Variants in TMEM232 observed in about 807,000 individuals in gnomAD.
The protein encoded by TMEM232 is transmembrane protein 232.
TMEM232 carries 80 observed loss-of-function variants against 78.8 expected under a neutral mutation model. That is an observed-to-expected ratio of 1.01 (90% CI 0.85 to 1.22). The LOEUF is 1.22. Among genes scored for constraint, TMEM232 ranks in the 50% most tolerant of loss-of-function variants. The probability of loss-of-function intolerance (pLI) is 0.00; values close to 1 mark genes in which losing one functional copy is unlikely to be tolerated. For synonymous variants in TMEM232, 297 were observed against 254.3 expected (o/e 1.17, Z -1.60); for missense variants, 881 against 742.2 (o/e 1.19, Z -2.17).
chr5:110,627,291 G>T (rs1042410738), intron 6 of TMEM232, among the ~76,000 whole-genome samples: 1 of 151,926 alleles, frequency 6.6e-6, no homozygotes, highest in African/African-American at 2.4e-5. Context: ...CAGGGAGGTA[G>T]ATACTATTAC....
At position 110,548,958 on chromosome 5, in the gene TMEM232, A is replaced by C. The variant is rs1471214610; in HGVS notation, c.1455+19489T>G. Among the ~76,000 whole-genome samples, 4 of 151,984 alleles carry C rather than the reference A, an allele frequency of 2.6e-5. No homozygotes were observed. In the East Asian group the frequency reaches 5.8e-4, roughly 22 times the overall value. On this transcript the variant is annotated intron_variant, in intron 11 of 13. Coordinates refer to ENST00000455884, the MANE Select transcript of TMEM232 (RefSeq NM_001039763.4). Reference sequence around the variant, plus strand: ...ATTGAACTAAAATCAAACAATATAAATGTAACAATAAAAGTCTCAATATAT... The same window carrying C: ...ATTGAACTAAAATCAAACAATATAACTGTAACAATAAAAGTCTCAATATAT...
At chr5:110,391,689 T>C (rs1180446073) in intron 3 of TMEM232, among the ~76,000 whole-genome samples, 3 of 152,154 alleles carry the variant, frequency 2.0e-5, no homozygotes, top group Non-Finnish European at 2.9e-5. Context: ...ATTTTCTTAA[T>C]AAAAATAGAA....
At chr5:110,736,508 T>A (rs244928) in intron 1 of TMEM232, among the ~76,000 whole-genome samples, 148,531 of 152,298 alleles carry the variant, frequency 0.98, 72,515 homozygotes, top group Non-Finnish European at 1. Context: ...AAAAGGTAAG[T>A]TCATACTGTA....
intron 10 of TMEM232, among the ~76,000 whole-genome samples, chr5:110,585,907 G>C (rs1778762021): frequency 6.6e-6 from 1 of 152,062 alleles, no homozygotes; most frequent in Non-Finnish European, 1.5e-5. Flanking sequence ...TGCAACCTAG[G>C]GATTTAACAA....
intron 1 of TMEM232, among the ~76,000 whole-genome samples, chr5:110,705,539 G>A (rs1795837436): frequency 1.3e-5 from 2 of 151,840 alleles, no homozygotes; most frequent in African/African-American, 4.8e-5. Context: ...AACTCAACAA[G>A]GTTTGCTGAC....
At chr5:110,728,276 A>G (rs1242963090), upstream of TMEM232, among the ~76,000 whole-genome samples, 2 of 151,830 alleles carry the variant, frequency 1.3e-5, no homozygotes, top group Non-Finnish European at 2.9e-5. Context: ...GATTTTATAT[A>G]TGTATCTACT....
At chr5:110,613,598 T>A (rs1269219897) in intron 8 of TMEM232, among the ~76,000 whole-genome samples, 1 of 152,172 alleles carries the variant, frequency 6.6e-6, no homozygotes, top group African/African-American at 2.4e-5. Context: ...ATTTTAAGAC[T>A]ATTTAGTCCA....
downstream of TMEM232, among the ~76,000 whole-genome samples, chr5:110,416,333 G>T (rs918120798): frequency 1.8e-4 from 28 of 152,134 alleles, no homozygotes; most frequent in African/African-American, 6.8e-4. Flanking sequence ...ACCTTCCTTT[G>T]TATTAAATAT....
rs929435464 is a variant in TMEM232 at position 110,647,272 on chromosome 5, T to C, written c.126-4901A>G. 9.9e-5 allele frequency among the ~76,000 whole-genome samples: 15 copies of C among 152,000 alleles called. No homozygotes were observed. In the East Asian group the frequency reaches 2.5e-3, roughly 25 times the overall value. On this transcript the variant is annotated intron_variant, in intron 2 of 13. Transcript: ENST00000455884. The stretch of plus-strand genomic sequence containing the variant: ...CGCATGTGGTATTGACCCATCATAG[T>C]TTGTGCCAATCTTGTCAAGACTTAC...
At position 110,605,169 on chromosome 5, in the gene TMEM232, AT is replaced by A. The variant is rs1781392924; in HGVS notation, c.1215del (p.Glu405AspfsTer2). The A allele has an allele frequency of 6.5e-7, 1 of 1,550,358 alleles. No homozygotes were observed. Among genetic ancestry groups the A allele is most frequent in the African/African-American group, 1.4e-5 (1 of 72,992 alleles). On this transcript the variant is annotated frameshift_variant, in exon 10 of 14. Coordinates refer to ENST00000455884, the MANE Select transcript of TMEM232 (RefSeq NM_001039763.4). LOFTEE classifies it high-confidence loss of function. ...AGACTTAAAATACTTGTTTCCTTTAATTCTGGAGGTACTGATTTGTCCAAGT... is the reference window on the plus strand; with the variant it reads ...AGACTTAAAATACTTGTTTCCTTTAATCTGGAGGTACTGATTTGTCCAAGT... ...ILYLDKSVPPELKETSILSLL... is the reference protein window; with the variant it reads ...ILYLDKSVPPXLKETSILSLL...
intron 12 of TMEM232, among the ~76,000 whole-genome samples, chr5:110,435,971 A>C (rs78985892): frequency 2.0e-5 from 3 of 151,972 alleles, no homozygotes; most frequent in Non-Finnish European, 4.4e-5. Flanking sequence ...TTGAGTATAT[A>C]TCCAAAGTGA....
At chr5:110,578,396 C>A (rs1184066449) in intron 10 of TMEM232, among the ~76,000 whole-genome samples, 2 of 151,940 alleles carry the variant, frequency 1.3e-5, no homozygotes, top group Admixed American at 1.3e-4. Context: ...CATTATGTTA[C>A]ATGCAAAACC....
At chr5:110,610,683 T>C (rs530893140) in intron 8 of TMEM232, 1 of 385,598 alleles carries the variant, frequency 2.6e-6, no homozygotes, top group African/African-American at 2.1e-5. Context: ...GACTGAAAAT[T>C]AAACATATAA....
intron 12 of TMEM232, among the ~76,000 whole-genome samples, chr5:110,525,149 G>T (rs1770381646): frequency 6.7e-6 from 1 of 148,320 alleles, no homozygotes; most frequent in African/African-American, 2.5e-5. Flanking sequence ...AACACTAGAA[G>T]ATTTCTTCGT....
At chr5:110,670,487 A>G (rs552243977) in intron 1 of TMEM232, among the ~76,000 whole-genome samples, 31 of 152,338 alleles carry the variant, frequency 2.0e-4, no homozygotes, top group African/African-American at 7.2e-4. Context: ...AAAAGAGGAC[A>G]CAAACAAATG....
At chr5:110,639,908 G>T (rs577879567) in intron 4 of TMEM232, among the ~76,000 whole-genome samples, 2 of 152,158 alleles carry the variant, frequency 1.3e-5, no homozygotes, top group African/African-American at 4.8e-5. Flanking sequence ...AGTAATGCTC[G>T]CTCCCTGGCT....
intron 7 of TMEM232, among the ~76,000 whole-genome samples, chr5:110,620,073 T>A (rs1561398536): frequency 6.6e-6 from 1 of 152,164 alleles, no homozygotes; most frequent in Non-Finnish European, 1.5e-5. Context: ...TTATGTACCA[T>A]CATCAGAGAA....
chr5:110,490,780 A>G (rs2149418282), intron 12 of TMEM232, among the ~76,000 whole-genome samples: 1 of 152,264 alleles, frequency 6.6e-6, no homozygotes, highest in East Asian at 1.9e-4. Context: ...CACTTACAAA[A>G]AAATGAATGT....
At chr5:110,628,205 G>C (rs1189638079) in intron 5 of TMEM232, among the ~76,000 whole-genome samples, 1 of 151,830 alleles carries the variant, frequency 6.6e-6, no homozygotes, top group East Asian at 1.9e-4. Context: ...ATTGAGAGGA[G>C]ATTTTTAAAT....
Sources: allele counts gnomAD v4.1 joint callset (sites outside exome capture counted in the v4.1 genomes callset), GRCh38; gene constraint gnomAD v4.1.1; transcripts MANE v1.5; gene names NCBI Gene and HGNC (gene_info 2026-07-23, HGNC 2026-07-21).